The following NRXN1 variants were observed in gnomAD, a reference collection of about 807,000 sequenced individuals.
NRXN1 encodes the protein neurexin 1.
Under a neutral mutation model 150.9 loss-of-function variants are expected in NRXN1, and 39 were observed. The ratio of observed to expected loss-of-function variants is 0.26; its 90% CI spans 0.20 to 0.34. NRXN1 has a LOEUF of 0.34. Among genes scored for constraint, NRXN1 ranks in the 10% least tolerant of loss-of-function variants. The pLI, the probability that NRXN1 is intolerant of heterozygous loss-of-function variation, is 1.00. For missense variants in NRXN1, 1,815 were observed against 1,949.9 expected (o/e 0.93, Z 1.30); for synonymous variants, 924 against 757.0 (o/e 1.22, Z -3.62).
chr2:50,809,803 T>C (rs1367040944), intron 5 of NRXN1, among the ~76,000 whole-genome samples: 4 of 152,168 alleles, frequency 2.6e-5, no homozygotes, highest in African/African-American at 9.7e-5. Context: ...CAGATGGCAA[T>C]GGTTTGAGTT....
chr2:50,175,523 A>C (rs538608155), intron 18 of NRXN1, among the ~76,000 whole-genome samples: 1 of 152,038 alleles, frequency 6.6e-6, no homozygotes, highest in African/African-American at 2.4e-5. Context: ...TTTTTCTTCA[A>C]GCATTAAGAC....
intron 12 of NRXN1, among the ~76,000 whole-genome samples, chr2:50,518,133 T>C (rs1163597880): frequency 1.3e-5 from 2 of 152,120 alleles, no homozygotes; most frequent in Admixed American, 6.5e-5. Flanking sequence ...TTAAGAATTA[T>C]AATTTACTTT....
At chr2:50,788,583 A>T (rs1267383295) in intron 5 of NRXN1, among the ~76,000 whole-genome samples, 1 of 151,876 alleles carries the variant, frequency 6.6e-6, no homozygotes, top group Non-Finnish European at 1.5e-5. Flanking sequence ...AAATGTGTGC[A>T]TGTGCGTGTG....
At chr2:50,678,693 G>A (rs764753927) in intron 5 of NRXN1, among the ~76,000 whole-genome samples, 16 of 151,994 alleles carry the variant, frequency 1.1e-4, no homozygotes, top group Non-Finnish European at 1.5e-4. Flanking sequence ...TTGACTGTTC[G>A]TTGCTAGTGC....
intron 5 of NRXN1, among the ~76,000 whole-genome samples, chr2:50,899,339 C>T (rs1212817607): frequency 6.6e-6 from 1 of 152,140 alleles, no homozygotes; most frequent in Non-Finnish European, 1.5e-5. Context: ...AGGCTTGGAA[C>T]ATTAAATGCT....
intron 12 of NRXN1, among the ~76,000 whole-genome samples, chr2:50,511,261 T>C (rs11125314): frequency 0.18 from 27,765 of 152,054 alleles, 3,573 homozygotes; most frequent in East Asian, 0.39. Flanking sequence ...AGTTTCACCA[T>C]GTTCGAGGCC....
intron 18 of NRXN1, among the ~76,000 whole-genome samples, chr2:50,123,412 T>C (rs1704135990): frequency 2.0e-5 from 3 of 152,094 alleles, no homozygotes; most frequent in Admixed American, 1.3e-4. Flanking sequence ...TGGTATTTGG[T>C]TGGAGCAAAT....
chr2:50,329,673 A>C (rs1000978787), intron 17 of NRXN1, among the ~76,000 whole-genome samples: 5 of 28,804 alleles, frequency 1.7e-4, no homozygotes, highest in African/African-American at 3.9e-4. Flanking sequence ...ATATATATAT[A>C]TTTTTTTTTT....
chr2:49,959,118 T>A (rs2104530703), intron 21 of NRXN1, among the ~76,000 whole-genome samples: 1 of 152,302 alleles, frequency 6.6e-6, no homozygotes, highest in Non-Finnish European at 1.5e-5. Flanking sequence ...TCAAATGGGC[T>A]TTTCTTATTT....
intron 19 of NRXN1, 136 bp from the exon 20 acceptor site, chr2:50,055,180 C>T: frequency 1.8e-6 from 1 of 565,458 alleles, no homozygotes; most frequent in Non-Finnish European, 3.1e-6. Flanking sequence ...CTACCTAGAA[C>T]ATTTCATGTT....
At chr2:50,103,075 T>C (rs188941916) in intron 18 of NRXN1, among the ~76,000 whole-genome samples, 1 of 152,216 alleles carries the variant, frequency 6.6e-6, no homozygotes, top group East Asian at 1.9e-4. Flanking sequence ...CTGACATTCA[T>C]CTAATTGTTT....
At chr2:50,497,137 C>T (rs1017314042) in intron 14 of NRXN1, among the ~76,000 whole-genome samples, 196 bp downstream of exon 14, 1 of 151,978 alleles carries the variant, frequency 6.6e-6, no homozygotes, top group Admixed American at 6.6e-5. Flanking sequence ...AATGTAGGTG[C>T]AAAAAACTGT....
At chr2:49,997,595 G>A (rs181356345) in intron 21 of NRXN1, among the ~76,000 whole-genome samples, 55 of 152,210 alleles carry the variant, frequency 3.6e-4, no homozygotes, top group African/African-American at 1.3e-3. Context: ...TGCAAGGTAA[G>A]GTCCTTTATT....
At chr2:50,467,205 C>A (rs1255621781) in intron 16 of NRXN1, among the ~76,000 whole-genome samples, 2 of 151,706 alleles carry the variant, frequency 1.3e-5, no homozygotes, top group Non-Finnish European at 3.0e-5. Flanking sequence ...GTATTTTCTA[C>A]ACTTTCACAA....
At chr2:50,227,162 G>GAA (rs5831101) in intron 18 of NRXN1, among the ~76,000 whole-genome samples, 179 of 143,640 alleles carry the variant, frequency 1.2e-3, no homozygotes, top group Non-Finnish European at 2.0e-3. Flanking sequence ...ACAAAGACGG[G>GAA]AAAAAAAAAA....
At chr2:50,971,147 G>C (rs886816227) in intron 2 of NRXN1, among the ~76,000 whole-genome samples, 1 of 152,036 alleles carries the variant, frequency 6.6e-6, no homozygotes, top group Non-Finnish European at 1.5e-5. Flanking sequence ...CCTCAAAATA[G>C]GACCAATTGT....
intron 12 of NRXN1, among the ~76,000 whole-genome samples, chr2:50,521,948 T>A (rs1475620730): frequency 6.6e-6 from 1 of 151,928 alleles, no homozygotes; most frequent in Non-Finnish European, 1.5e-5. Context: ...GGATAAGTAA[T>A]AGATTCACTA....
Position 49,989,810 on chromosome 2 carries a change from A to G in NRXN1, c.4129-46019T>C, listed in dbSNP as rs6750800. On this transcript the variant is annotated intron_variant, in intron 21 of 22. Coordinates refer to ENST00000401669, the MANE Select transcript of NRXN1 (RefSeq NM_001330078.2). ...GAAAGTAGTATTCAACTTAACCAATAAGATGGTTTGACATTTTGTGGGTTA... is the reference window on the plus strand; with the variant it reads ...GAAAGTAGTATTCAACTTAACCAATGAGATGGTTTGACATTTTGTGGGTTA... 5.9e-3 allele frequency among the ~76,000 whole-genome samples: 892 copies of G among 152,296 alleles called. 8 individuals carry two copies. Among genetic ancestry groups the G allele is most frequent in the African/African-American group, 0.021 (864 of 41,560 alleles).
intron 18 of NRXN1, among the ~76,000 whole-genome samples, chr2:50,130,721 C>T (rs961245311): frequency 6.6e-6 from 1 of 152,160 alleles, no homozygotes; most frequent in African/African-American, 2.4e-5. Context: ...ATACTGTTTT[C>T]ATTATTAACC....
Sources: allele counts gnomAD v4.1 joint callset (sites outside exome capture counted in the v4.1 genomes callset), GRCh38; gene constraint gnomAD v4.1.1; transcripts MANE v1.5; gene names NCBI Gene and HGNC (gene_info 2026-07-23, HGNC 2026-07-21).